Variants in MGAT4A observed in about 807,000 individuals in gnomAD.
MGAT4A encodes N-acetylglucosaminyltransferase IVa.
Under a neutral mutation model 74.1 loss-of-function variants are expected in MGAT4A, and 33 were observed. That is an observed-to-expected ratio of 0.45 (90% CI 0.34 to 0.60). MGAT4A has a LOEUF of 0.60. Among genes scored for constraint, MGAT4A ranks in the 20% least tolerant of loss-of-function variants. MGAT4A has a pLI of 0.02. For missense variants in MGAT4A, 479 were observed against 628.3 expected (o/e 0.76, Z 2.54); for synonymous variants, 198 against 210.4 (o/e 0.94, Z 0.51).
chr2:98,688,888 T>A (rs1702161252), intron 2 of MGAT4A, among the ~76,000 whole-genome samples: 1 of 152,204 alleles, frequency 6.6e-6, no homozygotes, highest in Non-Finnish European at 1.5e-5. Flanking sequence ...GGTAATTTAT[T>A]ATGCATAAAT....
At chr2:98,653,086 A>C (rs2104255452) in intron 8 of MGAT4A, among the ~76,000 whole-genome samples, 1 of 149,900 alleles carries the variant, frequency 6.7e-6, no homozygotes, top group Non-Finnish European at 1.5e-5. Flanking sequence ...AGAAATCACA[A>C]GGGATTTAGA....
At chr2:98,697,854 C>T (rs905855037) in intron 2 of MGAT4A, among the ~76,000 whole-genome samples, 1 of 152,172 alleles carries the variant, frequency 6.6e-6, no homozygotes, top group Non-Finnish European at 1.5e-5. Flanking sequence ...CTTTTGTCTA[C>T]TGTGTATTCA....
chr2:98,673,591 T>C (rs1701939703), intron 4 of MGAT4A, among the ~76,000 whole-genome samples: 1 of 152,182 alleles, frequency 6.6e-6, no homozygotes, highest in African/African-American at 2.4e-5. Flanking sequence ...GAAAGCTGGT[T>C]GACCAAGATT....
chr2:98,659,681 T>G (rs1311020285), intron 5 of MGAT4A, among the ~76,000 whole-genome samples: 1 of 152,200 alleles, frequency 6.6e-6, no homozygotes, highest in African/African-American at 2.4e-5. Context: ...TTTCACTTGA[T>G]TCTCATTTTC....
chr2:98,632,002 C>T (rs374438774), intron 14 of MGAT4A, among the ~76,000 whole-genome samples: 29 of 152,136 alleles, frequency 1.9e-4, no homozygotes, highest in African/African-American at 6.5e-4. Flanking sequence ...CCCAGGTACT[C>T]GGGAGGCTGA....
At chr2:98,723,813 C>T (rs1376929581) in intron 2 of MGAT4A, among the ~76,000 whole-genome samples, 12 of 152,210 alleles carry the variant, frequency 7.9e-5, no homozygotes, top group Non-Finnish European at 2.9e-5. Flanking sequence ...TTAGTAGCCT[C>T]TGCTTCTGCT....
intron 2 of MGAT4A, among the ~76,000 whole-genome samples, chr2:98,692,579 C>T (rs1020448525): frequency 2.0e-5 from 3 of 152,196 alleles, no homozygotes; most frequent in African/African-American, 4.8e-5. Flanking sequence ...CCTGCAAGCT[C>T]CATTCATGGT....
intron 9 of MGAT4A, among the ~76,000 whole-genome samples, chr2:98,644,258 C>CA (rs1407281481): frequency 2.0e-5 from 3 of 152,180 alleles, no homozygotes; most frequent in African/African-American, 7.2e-5. Flanking sequence ...TGGGTGTAAA[C>CA]AGATATAGTA....
At chr2:98,705,638 G>C (rs879922450) in intron 2 of MGAT4A, among the ~76,000 whole-genome samples, 1 of 152,122 alleles carries the variant, frequency 6.6e-6, no homozygotes, top group Non-Finnish European at 1.5e-5. Context: ...GGAGTAGTCC[G>C]AACTTAATGA....
At chr2:98,647,473 G>C (rs1367624744) in intron 8 of MGAT4A, among the ~76,000 whole-genome samples, 1 of 151,892 alleles carries the variant, frequency 6.6e-6, no homozygotes, top group East Asian at 1.9e-4. Context: ...ACGCCACCAC[G>C]CCTAGCTAAT....
chr2:98,707,815 C>T (rs925854063), intron 2 of MGAT4A, among the ~76,000 whole-genome samples: 4 of 152,136 alleles, frequency 2.6e-5, no homozygotes, highest in Non-Finnish European at 5.9e-5. Flanking sequence ...CAAATCCTAC[C>T]ATTCCAGAGC....
intron 1 of MGAT4A, among the ~76,000 whole-genome samples, chr2:98,728,206 C>A (rs1702792694): frequency 1.3e-5 from 2 of 152,206 alleles, no homozygotes; most frequent in Admixed American, 1.3e-4. Flanking sequence ...ATCTCCACTT[C>A]CTGTAGCTTT....
intron 4 of MGAT4A, among the ~76,000 whole-genome samples, chr2:98,664,724 G>C (rs1701799718): frequency 6.6e-6 from 1 of 152,104 alleles, no homozygotes. Flanking sequence ...CATTTAACTT[G>C]CGAAAAACTG....
chr2:98,628,947 C>G (rs561625464), intron 14 of MGAT4A, among the ~76,000 whole-genome samples: 2 of 152,284 alleles, frequency 1.3e-5, no homozygotes, highest in East Asian at 1.9e-4. Flanking sequence ...GAAGCACACA[C>G]GCACACACTA....
At chr2:98,711,300 C>T (rs1702515767) in intron 2 of MGAT4A, among the ~76,000 whole-genome samples, 2 of 145,478 alleles carry the variant, frequency 1.4e-5, no homozygotes, top group South Asian at 2.2e-4. Context: ...CAACAAGTAA[C>T]CTAGATTTAA....
intron 1 of MGAT4A, among the ~76,000 whole-genome samples, chr2:98,728,387 C>T (rs982231433): frequency 2.3e-4 from 35 of 152,216 alleles, no homozygotes; most frequent in African/African-American, 8.2e-4. Flanking sequence ...TAAGATTGAA[C>T]TTATTCACCT....
chr2:98,690,572 A>G (rs921638189), intron 2 of MGAT4A, among the ~76,000 whole-genome samples: 6 of 152,206 alleles, frequency 3.9e-5, no homozygotes, highest in African/African-American at 1.4e-4. Context: ...CCAGAGTCTT[A>G]TAATAAACAC....
At chr2:98,728,535 G>T (rs560397185) in intron 1 of MGAT4A, among the ~76,000 whole-genome samples, 2 of 152,096 alleles carry the variant, frequency 1.3e-5, no homozygotes, top group East Asian at 3.9e-4. Context: ...ATTACCCGAG[G>T]TCAGGAGTTC....
chr2:98,639,976 A>C lies in MGAT4A; in HGVS notation c.1154T>G (p.Leu385Arg). The change falls in exon 12 of 16, where the codon CTT (leucine) becomes CGT (arginine). Residue 385 changes from leucine (L) to arginine (R), a missense_variant. Physicochemically the swap from Leu to Arg is moderately radical, Grantham distance 102. Transcript: ENST00000393487. ...AGGTGGGTTTACATGGATTTTAAGA[A>C]GTAATGGTTTCATATAATCTTTATC... is the stretch of plus-strand genomic sequence containing the variant. ...LTDKDYMKPLLLKIHVNPPAE... is the reference protein window; with the variant it reads ...LTDKDYMKPLRLKIHVNPPAE... 6.2e-7 allele frequency: 1 copy of C among 1,613,568 alleles called. No individual in the cohort carries two copies. Among genetic ancestry groups the C allele is most frequent in the Non-Finnish European group, 8.5e-7 (1 of 1,179,752 alleles).
Sources: gnomAD v4.1 joint callset for allele counts (sites outside exome capture counted in the v4.1 genomes callset) on GRCh38, gnomAD v4.1.1 for gene constraint, MANE v1.5 for transcripts, NCBI Gene and HGNC (gene_info 2026-07-23, HGNC 2026-07-21) for gene names.